UNC79: variants seen among roughly 807,000 people sequenced by gnomAD.
The protein encoded by UNC79 is protein unc-79 homolog.
In UNC79, 37 loss-of-function variants were observed where a neutral mutation model predicts 283.1. The observed-to-expected ratio is 0.13, with a 90% confidence interval of 0.10 to 0.17. The LOEUF is 0.17. Among genes scored for constraint, UNC79 ranks in the 10% least tolerant of loss-of-function variants. The pLI, the probability that UNC79 is intolerant of heterozygous loss-of-function variation, is 1.00. For synonymous variants in UNC79, 1,107 were observed against 1,200.2 expected, an observed-to-expected ratio of 0.92 and a Z score of 1.61; for missense variants, 2,272 against 3,211.1, an observed-to-expected ratio of 0.71 and a Z score of 7.07.
At chr14:93,473,753 GT>G (rs1400119579) in intron 2 of UNC79, among the ~76,000 whole-genome samples, 1 of 152,148 alleles carries the variant, frequency 6.6e-6, no homozygotes, top group East Asian at 1.9e-4. Context: ...CAAAGCCGTT[GT>G]TTTTTTCTCC....
At chr14:93,369,806 C>T (rs963065185) in intron 1 of UNC79, among the ~76,000 whole-genome samples, 3 of 152,140 alleles carry the variant, frequency 2.0e-5, no homozygotes, top group Non-Finnish European at 2.9e-5. Flanking sequence ...ACAAGGCCTG[C>T]CTTTAGGGGA....
chr14:93,670,486 A>G (rs2072724581), intron 40 of UNC79, among the ~76,000 whole-genome samples: 1 of 152,236 alleles, frequency 6.6e-6, no homozygotes, highest in East Asian at 1.9e-4. Context: ...TATAAAGGAT[A>G]TTAGAAAGGA....
At chr14:93,540,871 C>T (rs751539221) in intron 13 of UNC79, 40 bp downstream of exon 13, 15 of 1,607,234 alleles carry the variant, frequency 9.3e-6, no homozygotes, top group African/African-American at 1.3e-5. Flanking sequence ...TTTCTTATTT[C>T]TCATTTCAAA....
intron 10 of UNC79, among the ~76,000 whole-genome samples, chr14:93,530,536 C>T (rs2060760962): frequency 6.6e-6 from 1 of 152,046 alleles, no homozygotes; most frequent in African/African-American, 2.4e-5. Flanking sequence ...CATTTAAGCC[C>T]AGGAGGTTGA....
intron 39 of UNC79, among the ~76,000 whole-genome samples, chr14:93,660,563 A>ATGTGTGTGTGTGTGTG (rs1555394962): frequency 1.5e-5 from 1 of 64,770 alleles, no homozygotes; most frequent in African/African-American, 6.4e-5. Context: ...ATATATATAT[A>ATGTGTGTGTGTGTGTG]TGTGTGTGTG....
intron 14 of UNC79, among the ~76,000 whole-genome samples, chr14:93,551,339 G>T (rs534559159): frequency 6.6e-6 from 1 of 152,206 alleles, no homozygotes; most frequent in Non-Finnish European, 1.5e-5. Flanking sequence ...GTAAGCCACC[G>T]TGCCCGGCCA....
chr14:93,540,340 A>T (rs2061317175), intron 12 of UNC79, among the ~76,000 whole-genome samples: 1 of 152,208 alleles, frequency 6.6e-6, no homozygotes, highest in African/African-American at 2.4e-5. Context: ...GCATTGACTT[A>T]TAGTGGGATG....
intron 1 of UNC79, among the ~76,000 whole-genome samples, chr14:93,422,462 G>T (rs1031672478): frequency 6.6e-6 from 1 of 152,090 alleles, no homozygotes; most frequent in Non-Finnish European, 1.5e-5. Flanking sequence ...ATGCTGGTTG[G>T]CCTTTCCTGA....
At position 93,408,606 on chromosome 14, in the gene UNC79, T is replaced by G. The variant is rs541482208; in HGVS notation, c.-350-59065T>G. Among the ~76,000 whole-genome samples the G allele has an allele frequency of 1.1e-3, 161 of 152,266 alleles. 1 individual carries two copies. Among genetic ancestry groups the G allele is most frequent in the Non-Finnish European group, 1.6e-4 (11 of 68,006 alleles). On this transcript the variant is annotated intron_variant, in intron 1 of 49. Coordinates refer to the UNC79 transcript ENST00000256339. ...ATTCAGGAGGCTGAGGCGGGAAGAT[T>G]GCTTGAGCCCAGAAGGCCAAGGCCA...
intron 10 of UNC79, among the ~76,000 whole-genome samples, chr14:93,530,775 G>A (rs1191615358): frequency 1.3e-5 from 2 of 152,082 alleles, no homozygotes; most frequent in African/African-American, 2.4e-5. Context: ...CGGGCGTGGC[G>A]GCGGGCACCT....
chr14:93,365,918 T>G (rs1207932880), intron 1 of UNC79, among the ~76,000 whole-genome samples: 2 of 152,070 alleles, frequency 1.3e-5, no homozygotes, highest in Non-Finnish European at 1.5e-5. Flanking sequence ...TAGAATAAAT[T>G]ATAAAAAGCC....
chr14:93,363,942 G>T lies in UNC79; in HGVS notation c.-351+30419G>T, dbSNP rs184239353. 4.6e-5 allele frequency among the ~76,000 whole-genome samples: 7 copies of T among 151,902 alleles called. No homozygotes were observed. In the East Asian group the frequency reaches 1.4e-3, roughly 29 times the overall value. ...TCACCTTGTTAGCCAGGATGGTCTC[G>T]ATCTTCTGACCTCGTGATCTACCTG... On this transcript the variant is annotated intron_variant, in intron 1 of 49. Transcript: ENST00000256339.
intron 35 of UNC79, 87 bp downstream of exon 38, chr14:93,646,733 G>T: frequency 1.4e-6 from 2 of 1,462,634 alleles, no homozygotes; most frequent in South Asian, 2.3e-5. Flanking sequence ...TGTGGGGCTG[G>T]GTGCAGTGGC....
intron 30 of UNC79, among the ~76,000 whole-genome samples, chr14:93,626,012 G>C (rs1045466796): frequency 3.9e-5 from 6 of 152,162 alleles, no homozygotes; most frequent in African/African-American, 7.2e-5. Flanking sequence ...AAATGAAATT[G>C]TATGAAGTGC....
chr14:93,386,484 T>C (rs780389877), intron 1 of UNC79, among the ~76,000 whole-genome samples: 4 of 152,234 alleles, frequency 2.6e-5, no homozygotes, highest in Non-Finnish European at 5.9e-5. Context: ...ATTGGCCTCA[T>C]AGAATACATT....
chr14:93,599,931 G>A (rs1046030862), intron 24 of UNC79, among the ~76,000 whole-genome samples: 3 of 152,248 alleles, frequency 2.0e-5, no homozygotes, highest in African/African-American at 7.2e-5. Flanking sequence ...GCTGGGCGTG[G>A]TGGCTCGCGC....
rs2053877391 is a variant in UNC79 at position 93,347,434 on chromosome 14, G to A, written c.-351+13911G>A. The A allele has an allele frequency of 2.1e-6, 3 of 1,433,494 alleles. No homozygotes were observed. The East Asian group carries it at 8.2e-5, about 39-fold the overall frequency. 88.8% of individuals were successfully genotyped at this position (1,433,494 alleles called of 1,614,324 possible). ...AGCCATCATGGTGGGCGGGAAGCGC[G>A]TGGCCCTGGCGGGGCGCCCCGACGG... is the stretch of plus-strand genomic sequence containing the variant. On this transcript the variant is annotated intron_variant, in intron 1 of 49. Coordinates refer to the UNC79 transcript ENST00000256339.
At chr14:93,385,326 G>C (rs555983548) in intron 1 of UNC79, among the ~76,000 whole-genome samples, 20 of 152,024 alleles carry the variant, frequency 1.3e-4, no homozygotes, top group African/African-American at 4.6e-4. Flanking sequence ...CTATTTTTTG[G>C]TGTCTTCTTT....
intron 29 of UNC79, among the ~76,000 whole-genome samples, chr14:93,618,943 T>C (rs768193349): frequency 1.3e-5 from 2 of 152,184 alleles, no homozygotes; most frequent in African/African-American, 2.4e-5. Context: ...TTGCAGCCTG[T>C]TTTCAGGTGA....
Sources: allele counts gnomAD v4.1 joint callset (sites outside exome capture counted in the v4.1 genomes callset), GRCh38; gene constraint gnomAD v4.1.1; transcripts MANE v1.5; gene names NCBI Gene and HGNC (gene_info 2026-07-23, HGNC 2026-07-21).